MGA: variants seen among roughly 807,000 people sequenced by gnomAD.
MGA encodes MAX gene-associated protein.
MGA carries 40 observed loss-of-function variants against 261.1 expected under a neutral mutation model. That is an observed-to-expected ratio of 0.15 (90% CI 0.12 to 0.20). MGA has a LOEUF of 0.20. Ranked by LOEUF, MGA falls within the 10% of genes least tolerant of loss-of-function variation. MGA has a pLI of 1.00. For missense variants in MGA, 3,397 were observed against 3,630.5 expected (o/e 0.94, Z 1.65); for synonymous variants, 1,302 against 1,290.6 (o/e 1.01, Z -0.19).
At chr15:41,628,137 G>A (rs183743890) in intron 1 of MGA, among the ~76,000 whole-genome samples, 19 of 152,124 alleles carry the variant, frequency 1.2e-4, no homozygotes, top group Non-Finnish European at 2.4e-4. Flanking sequence ...TTGGGAGGCC[G>A]AGGCAGGTGG....
At chr15:41,653,588 A>G (rs1455644638) in intron 1 of MGA, among the ~76,000 whole-genome samples, 1 of 151,668 alleles carries the variant, frequency 6.6e-6, no homozygotes, top group Non-Finnish European at 1.5e-5. Flanking sequence ...GTGGCCTATA[A>G]TCCCAGCTAC....
chr15:41,732,681 T>C (rs1869338971), intron 11 of MGA, among the ~76,000 whole-genome samples: 1 of 152,218 alleles, frequency 6.6e-6, no homozygotes, highest in African/African-American at 2.4e-5. Flanking sequence ...TGTAAAATGC[T>C]TAGGTCAGCA....
chr15:41,621,769 G>A lies in MGA; in HGVS notation c.-68+471G>A, dbSNP rs1453398509. ...ACGCCACAGCCAATCTCAGGCCGAG[G>A]CGCACCCACAGCTTTCCCCGGCGCC... On this transcript the variant is annotated intron_variant, in intron 1 of 8. Transcript: ENST00000566718. Among the ~76,000 whole-genome samples the A allele has an allele frequency of 2.0e-5, 3 of 152,000 alleles. No homozygotes were observed. In the East Asian group the frequency reaches 5.8e-4, roughly 30 times the overall value.
intron 2 of MGA, among the ~76,000 whole-genome samples, chr15:41,677,183 C>T (rs1223038922): frequency 6.6e-6 from 1 of 152,158 alleles, no homozygotes; most frequent in Non-Finnish European, 1.5e-5. Context: ...TCTGTCGCCC[C>T]CAGGCAGGAT....
chr15:41,706,571 CT>C (rs1282647884), intron 5 of MGA, among the ~76,000 whole-genome samples: 18 of 129,116 alleles, frequency 1.4e-4, no homozygotes, highest in African/African-American at 3.1e-4. Context: ...TAACACTTAG[CT>C]TTTTTTTTTT....
chr15:41,760,669 GC>G, intron 20 of MGA, 140 bp downstream of exon 20: 1 of 764,862 alleles, frequency 1.3e-6, no homozygotes, highest in Non-Finnish European at 2.1e-6. Context: ...ACTAGTGAAT[GC>G]CCAGTAAATC....
In MGA at chr15:41,762,137, G is replaced by A. The variant is rs1337563438; in HGVS notation, c.7519G>A (p.Glu2507Lys). Residue 2507 changes from glutamate to lysine, a missense_variant, in exon 22 of 24, where the codon GAA (glutamate) becomes AAA (lysine). This residue lies in a region of MGA where 50 missense variants were observed against 121.5 expected (regional missense o/e 0.41). Transcript: ENST00000219905. ...ATTCTGTTAACTTACAGGTAAGACA[G>A]AAGAAGTGGTCCTGAAGAAGCTAGA... The A allele has an allele frequency of 1.9e-6, 3 of 1,612,460 alleles. No individual in the cohort carries two copies. In the African/African-American group the frequency reaches 4.0e-5, roughly 22 times the overall value.
intron 2 of MGA, among the ~76,000 whole-genome samples, chr15:41,679,442 A>G (rs2058555266): frequency 6.6e-6 from 1 of 152,186 alleles, no homozygotes; most frequent in Non-Finnish European, 1.5e-5. Context: ...ATTCATGAAC[A>G]TGGGATATCT....
intron 2 of MGA, among the ~76,000 whole-genome samples, chr15:41,688,474 T>C (rs563437813): frequency 2.2e-4 from 33 of 152,260 alleles, no homozygotes; most frequent in Non-Finnish European, 3.8e-4. Context: ...CCTTGTACTT[T>C]AATTCTTCTT....
chr15:41,626,241 CAGT>C (rs1287616751), intron 1 of MGA, among the ~76,000 whole-genome samples: 1 of 150,740 alleles, frequency 6.6e-6, no homozygotes, highest in Non-Finnish European at 1.5e-5. Flanking sequence ...CATTTTTAAG[CAGT>C]AGGATTTTGG....
chr15:41,708,411 A>G (rs957835619), intron 7 of MGA, among the ~76,000 whole-genome samples: 3 of 152,026 alleles, frequency 2.0e-5, no homozygotes, highest in African/African-American at 7.3e-5. Context: ...TCCACCTCCC[A>G]GGTTCAAGAG....
intron 2 of MGA, among the ~76,000 whole-genome samples, chr15:41,695,607 A>G (rs1016521056): frequency 3.9e-5 from 6 of 152,322 alleles, no homozygotes; most frequent in East Asian, 1.9e-4. Flanking sequence ...TATACACAAT[A>G]TATCTGGGTC....
chr15:41,632,164 A>T (rs1350275385), intron 1 of MGA, among the ~76,000 whole-genome samples: 1 of 152,134 alleles, frequency 6.6e-6, no homozygotes, highest in African/African-American at 2.4e-5. Context: ...AGGCCTCTAG[A>T]TGAGGGGTTG....
intron 5 of MGA, among the ~76,000 whole-genome samples, chr15:41,700,700 C>G (rs1304980458): frequency 6.6e-6 from 1 of 152,102 alleles, no homozygotes; most frequent in East Asian, 1.9e-4. Context: ...ACATCATGAT[C>G]ACTACCAATT....
chr15:41,737,718 C>T (rs1355436757), intron 13 of MGA, among the ~76,000 whole-genome samples: 6 of 152,126 alleles, frequency 3.9e-5, no homozygotes, highest in East Asian at 1.9e-4. Context: ...CAGTGGCTTA[C>T]GCCTGTAATC....
chr15:41,670,290 T>TA (rs919769693), intron 2 of MGA, among the ~76,000 whole-genome samples: 17 of 151,312 alleles, frequency 1.1e-4, no homozygotes, highest in Admixed American at 9.2e-4. Context: ...TCCATCTCAA[T>TA]AAAAAAAAGA....
chr15:41,673,540 C>CT (rs777334913), intron 2 of MGA, among the ~76,000 whole-genome samples: 29,165 of 118,860 alleles, frequency 0.25, 4,553 homozygotes, highest in Non-Finnish European at 0.31. Flanking sequence ...TTCTTTCTTT[C>CT]TTTTTTTTTT....
rs550780736 is a variant in MGA at position 41,629,792 on chromosome 15, G to A, written c.-68+8494G>A. 3.9e-5 allele frequency among the ~76,000 whole-genome samples: 6 copies of A among 152,176 alleles called. No individual in the cohort carries two copies. In the East Asian group the frequency reaches 7.7e-4, roughly 20 times the overall value. On this transcript the variant is annotated intron_variant, in intron 1 of 8. Coordinates refer to the MGA transcript ENST00000566718. ...AGGTCAGCTAGGGAGTAAAGAAGAG[G>A]GCTAATGACTGAGCCCTGAGACTAC...
chr15:41,748,994 C>T, intron 16 of MGA, 67 bp downstream of exon 16: 2 of 1,554,936 alleles, frequency 1.3e-6, no homozygotes, highest in East Asian at 2.2e-5. Context: ...TGTTAATACA[C>T]CAAGATTGTT....
Sources: gnomAD v4.1 joint callset for allele counts (sites outside exome capture counted in the v4.1 genomes callset) on GRCh38, gnomAD v4.1.1 for gene constraint, gnomAD v4.1.1 regional missense constraint, MANE v1.5 for transcripts, NCBI Gene and HGNC (gene_info 2026-07-23, HGNC 2026-07-21) for gene names.